ELOVL6: variants seen among roughly 807,000 people sequenced by gnomAD.
The protein encoded by ELOVL6 is very long chain fatty acid elongase 6.
Under a neutral mutation model 31.7 loss-of-function variants are expected in ELOVL6, and 8 were observed. The ratio of observed to expected loss-of-function variants is 0.25; its 90% confidence interval spans 0.15 to 0.45. ELOVL6 has a LOEUF of 0.45. ELOVL6 is among the 20% of genes least tolerant of loss of function. The pLI is 1.00. For missense variants in ELOVL6, 126 were observed against 326.4 expected, an observed-to-expected ratio of 0.39 and a Z score of 4.73; for synonymous variants, 101 against 117.7, an observed-to-expected ratio of 0.86 and a Z score of 0.92.
At chr4:110,117,049 C>T (rs1206388841) in intron 1 of ELOVL6, among the ~76,000 whole-genome samples, 1 of 152,212 alleles carries the variant, frequency 6.6e-6, no homozygotes. Flanking sequence ...CTCTTTTGGC[C>T]TCCACCATGG....
rs534310104 is a variant in ELOVL6 at position 110,143,990 on chromosome 4, G to T, written c.90-38362C>A. ...AAACACTTGAACCTGGGAGGCGAAG[G>T]TTGTGGTGAGCCGAGATTGCGCCAT... On this transcript the variant is annotated intron_variant, in intron 1 of 3. Coordinates refer to ENST00000302274, the MANE Select transcript of ELOVL6 (RefSeq NM_024090.3). Among the ~76,000 whole-genome samples, 8 of 149,808 alleles carry T rather than the reference G, an allele frequency of 5.3e-5. No homozygotes were observed. In the South Asian group the frequency reaches 1.7e-3, roughly 32 times the overall value.
chr4:110,172,872 A>G (rs1758995125), intron 1 of ELOVL6, among the ~76,000 whole-genome samples: 1 of 152,216 alleles, frequency 6.6e-6, no homozygotes, highest in African/African-American at 2.4e-5. Context: ...CATGCAGGGG[A>G]AAAAGGAAAA....
chr4:110,113,609 G>C (rs1313886664), intron 1 of ELOVL6, among the ~76,000 whole-genome samples: 1 of 151,966 alleles, frequency 6.6e-6, no homozygotes, highest in East Asian at 1.9e-4. Flanking sequence ...AAAAGTCATT[G>C]GTCTTATTTA....
intron 1 of ELOVL6, among the ~76,000 whole-genome samples, chr4:110,136,805 T>A (rs1465972954): frequency 6.6e-6 from 1 of 152,186 alleles, no homozygotes; most frequent in African/African-American, 2.4e-5. Flanking sequence ...AACCATACTA[T>A]GTCCACCCAT....
At chr4:110,128,697 G>A (rs1022498194) in intron 1 of ELOVL6, among the ~76,000 whole-genome samples, 8 of 152,208 alleles carry the variant, frequency 5.3e-5, no homozygotes, top group Non-Finnish European at 4.4e-5. Context: ...ATCTGTGAGC[G>A]TAGGGGCAAC....
At chr4:110,188,110 A>T (rs1169688192) in intron 1 of ELOVL6, among the ~76,000 whole-genome samples, 1 of 152,326 alleles carries the variant, frequency 6.6e-6, no homozygotes, top group Non-Finnish European at 1.5e-5. Flanking sequence ...ATTTACAAGT[A>T]GCTACACTAA....
chr4:110,080,224 C>T (rs977210693), intron 2 of ELOVL6, among the ~76,000 whole-genome samples: 1 of 152,144 alleles, frequency 6.6e-6, no homozygotes, highest in Non-Finnish European at 1.5e-5. Context: ...AGAGGGAATC[C>T]TTCCTAACTC....
chr4:110,106,501 A>AGG (rs1312594527), intron 1 of ELOVL6, among the ~76,000 whole-genome samples: 27 of 152,050 alleles, frequency 1.8e-4, no homozygotes, highest in Non-Finnish European at 3.4e-4. Context: ...TTCCCTTTTT[A>AGG]GACTGTATAC....
chr4:110,098,243 C>T (rs1756646452), intron 2 of ELOVL6, among the ~76,000 whole-genome samples: 1 of 152,028 alleles, frequency 6.6e-6, no homozygotes, highest in Non-Finnish European at 1.5e-5. Context: ...TAACTATAAA[C>T]CGATCATTAT....
intron 1 of ELOVL6, among the ~76,000 whole-genome samples, chr4:110,175,414 C>T (rs1376317424): frequency 6.6e-6 from 1 of 151,850 alleles, no homozygotes; most frequent in Non-Finnish European, 1.5e-5. Flanking sequence ...ATGTTCTCAC[C>T]TATAAAATGG....
At chr4:110,175,276 G>A (rs1235441608) in intron 1 of ELOVL6, among the ~76,000 whole-genome samples, 2 of 151,996 alleles carry the variant, frequency 1.3e-5, no homozygotes, top group African/African-American at 2.4e-5. Context: ...CCAGCTACAC[G>A]GGAGGCTGGG....
chr4:110,103,905 CTG>C (rs774663889), intron 2 of ELOVL6, among the ~76,000 whole-genome samples: 5 of 152,088 alleles, frequency 3.3e-5, no homozygotes, highest in South Asian at 2.1e-4. Context: ...GATCATAATA[CTG>C]TGTTTGCTTT....
At chr4:110,107,464 A>G (rs1278446434) in intron 1 of ELOVL6, among the ~76,000 whole-genome samples, 1 of 152,246 alleles carries the variant, frequency 6.6e-6, no homozygotes, top group African/African-American at 2.4e-5. Context: ...TAATACATTA[A>G]TAACTAAAGA....
At chr4:110,167,347 G>C (rs1438982409) in intron 1 of ELOVL6, among the ~76,000 whole-genome samples, 4 of 152,128 alleles carry the variant, frequency 2.6e-5, no homozygotes, top group Non-Finnish European at 5.9e-5. Context: ...GTCTCTCTCT[G>C]TGTGTGTTTA....
chr4:110,168,098 A>G (rs1201288731), intron 1 of ELOVL6, among the ~76,000 whole-genome samples: 1 of 152,218 alleles, frequency 6.6e-6, no homozygotes, highest in Non-Finnish European at 1.5e-5. Context: ...AACAGAGCCA[A>G]AATTTAAGTG....
intron 1 of ELOVL6, among the ~76,000 whole-genome samples, chr4:110,172,469 C>G (rs530357520): frequency 6.6e-6 from 1 of 152,128 alleles, no homozygotes; most frequent in South Asian, 2.1e-4. Context: ...AATTCAGTAC[C>G]CCCAGCAACT....
At chr4:110,164,666 G>C (rs1282826360) in intron 1 of ELOVL6, among the ~76,000 whole-genome samples, 3 of 150,394 alleles carry the variant, frequency 2.0e-5, no homozygotes, top group Non-Finnish European at 4.4e-5. Flanking sequence ...CTTGAGCCCA[G>C]GGAGGTCAAG....
intron 1 of ELOVL6, among the ~76,000 whole-genome samples, chr4:110,134,151 C>G (rs1257846961): frequency 2.0e-5 from 3 of 152,240 alleles, no homozygotes; most frequent in East Asian, 3.9e-4. Context: ...TAAAACAAAG[C>G]AAATGGCCCA....
At chr4:110,067,968 A>G (rs907123212) in intron 2 of ELOVL6, among the ~76,000 whole-genome samples, 5 of 152,222 alleles carry the variant, frequency 3.3e-5, no homozygotes, top group African/African-American at 1.2e-4. Context: ...TCTGAATGTT[A>G]CTTAGACATT....
Sources: gnomAD v4.1 joint callset for allele counts (sites outside exome capture counted in the v4.1 genomes callset) on GRCh38, gnomAD v4.1.1 for gene constraint, MANE v1.5 for transcripts, NCBI Gene and HGNC (gene_info 2026-07-23, HGNC 2026-07-21) for gene names.